PTPRT: variants seen among roughly 807,000 people sequenced by gnomAD.
PTPRT encodes the protein receptor-type tyrosine-protein phosphatase T.
A neutral mutation model predicts 176.8 loss-of-function variants in PTPRT; 56 were observed. That is an observed-to-expected ratio of 0.32 (90% CI 0.26 to 0.40). PTPRT has a LOEUF of 0.40. Among genes scored for constraint, PTPRT ranks in the 10% least tolerant of loss-of-function variants. The pLI is 1.00. For synonymous variants in PTPRT, 783 were observed against 739.0 expected, an observed-to-expected ratio of 1.06 and a Z score of -0.96; for missense variants, 1,540 against 1,908.2, an observed-to-expected ratio of 0.81 and a Z score of 3.60.
At chr20:42,360,559 C>A (rs538136601) in intron 9 of PTPRT, among the ~76,000 whole-genome samples, 1 of 152,278 alleles carries the variant, frequency 6.6e-6, no homozygotes, top group East Asian at 1.9e-4. Flanking sequence ...TCACAGAAAC[C>A]TTCTTGTTTA....
intron 9 of PTPRT, among the ~76,000 whole-genome samples, chr20:42,410,930 T>G (rs1382951617): frequency 1.3e-5 from 2 of 152,178 alleles, no homozygotes; most frequent in African/African-American, 4.8e-5. Context: ...GCTAAAGTAG[T>G]ACTTAGAGGT....
chr20:43,169,080 T>C (rs1295771645), intron 1 of PTPRT, among the ~76,000 whole-genome samples: 3 of 152,172 alleles, frequency 2.0e-5, no homozygotes, highest in Non-Finnish European at 4.4e-5. Context: ...TTTCAGGCCT[T>C]GCCCCAACCC....
intron 2 of PTPRT, among the ~76,000 whole-genome samples, chr20:42,793,794 G>A (rs2077412229): frequency 6.6e-6 from 1 of 152,112 alleles, no homozygotes; most frequent in Non-Finnish European, 1.5e-5. Context: ...CATGCCACAG[G>A]GTTCCAAAAG....
chr20:42,910,240 A>T (rs977643025), intron 1 of PTPRT, among the ~76,000 whole-genome samples: 2 of 152,118 alleles, frequency 1.3e-5, no homozygotes, highest in Non-Finnish European at 2.9e-5. Context: ...ATTTCCTCCT[A>T]TGAGTTTTTA....
chr20:42,309,458 G>A (rs2057594532), intron 12 of PTPRT, among the ~76,000 whole-genome samples: 2 of 151,924 alleles, frequency 1.3e-5, no homozygotes, highest in Non-Finnish European at 2.9e-5. Context: ...GAGACATCTG[G>A]GGAAAAAAAT....
At chr20:42,493,352 C>A (rs1356450125) in intron 7 of PTPRT, among the ~76,000 whole-genome samples, 1 of 151,874 alleles carries the variant, frequency 6.6e-6, no homozygotes, top group Non-Finnish European at 1.5e-5. Context: ...ATTTGGAGGA[C>A]TTTGAGGGGT....
At chr20:42,698,787 G>A (rs2075925501) in intron 6 of PTPRT, among the ~76,000 whole-genome samples, 1 of 152,052 alleles carries the variant, frequency 6.6e-6, no homozygotes, top group East Asian at 1.9e-4. Flanking sequence ...CGGGTCTTTG[G>A]GTGGTCATGT....
chr20:43,000,252 T>C (rs903477351), intron 1 of PTPRT, among the ~76,000 whole-genome samples: 4 of 151,974 alleles, frequency 2.6e-5, no homozygotes, highest in Non-Finnish European at 4.4e-5. Flanking sequence ...GATTCGATGG[T>C]GCCAAGGAAA....
chr20:42,573,356 C>T (rs1385147314), intron 7 of PTPRT, among the ~76,000 whole-genome samples: 1 of 152,190 alleles, frequency 6.6e-6, no homozygotes, highest in Non-Finnish European at 1.5e-5. Flanking sequence ...ACTCCCTGCC[C>T]ATGATGGTCT....
chr20:42,105,976 C>A (rs535800356), intron 24 of PTPRT, among the ~76,000 whole-genome samples: 1 of 152,294 alleles, frequency 6.6e-6, no homozygotes, highest in Non-Finnish European at 1.5e-5. Context: ...GTGGGATAGG[C>A]AGAAAAGGCT....
At chr20:42,335,149 G>A (rs1273126339) in intron 11 of PTPRT, among the ~76,000 whole-genome samples, 1 of 152,236 alleles carries the variant, frequency 6.6e-6, no homozygotes, top group Non-Finnish European at 1.5e-5. Flanking sequence ...TGATGTTGGA[G>A]TAGTCAAGTG....
chr20:42,251,190 T>C (rs1160783463), intron 13 of PTPRT, among the ~76,000 whole-genome samples: 1 of 152,210 alleles, frequency 6.6e-6, no homozygotes, highest in Non-Finnish European at 1.5e-5. Context: ...GGGCATTCAC[T>C]CACTGGCACA....
In PTPRT at chr20:43,065,131, C is replaced by T. The variant is rs76264841; in HGVS notation, c.88+124515G>A. Among the ~76,000 whole-genome samples the T allele has an allele frequency of 1.3e-3, 203 of 152,348 alleles. 3 individuals are homozygous for T. The East Asian group carries it at 0.022, about 17-fold the overall frequency. ...CCCTTTGCATCTCCTGCCCCAAGCA[C>T]ACAAGAGGTGCACTCATCAGCACAG... On this transcript the variant is annotated intron_variant, in intron 1 of 30. Coordinates refer to ENST00000373187, the MANE Select transcript of PTPRT (RefSeq NM_007050.6).
intron 2 of PTPRT, among the ~76,000 whole-genome samples, chr20:42,805,889 A>G (rs2077600105): frequency 6.6e-6 from 1 of 152,134 alleles, no homozygotes. Context: ...ATCTTTTGCC[A>G]AAAGAACAAG....
At chr20:42,098,734 A>G (rs6029972) in intron 26 of PTPRT, among the ~76,000 whole-genome samples, 182 bp from the exon 27 acceptor site, 3,436 of 152,346 alleles carry the variant, frequency 0.023, 128 homozygotes, top group African/African-American at 0.077. Context: ...TAATGAACAC[A>G]ATCTCCTCCA....
intron 12 of PTPRT, among the ~76,000 whole-genome samples, chr20:42,295,812 G>T (rs1446560334): frequency 6.6e-6 from 1 of 152,160 alleles, no homozygotes; most frequent in African/African-American, 2.4e-5. Flanking sequence ...GATCATAGGG[G>T]TGGTTCCCAC....
intron 2 of PTPRT, among the ~76,000 whole-genome samples, chr20:42,881,611 G>A (rs1176779864): frequency 6.6e-6 from 1 of 151,592 alleles, no homozygotes; most frequent in Non-Finnish European, 1.5e-5. Flanking sequence ...TGTAGTCTCA[G>A]CTACTTGGGA....
chr20:42,969,323 G>A (rs1982484048), intron 1 of PTPRT: 1 of 152,178 alleles, frequency 6.6e-6, no homozygotes, highest in Admixed American at 6.5e-5. Flanking sequence ...AGTCAGAAGA[G>A]GGGGACCTGG....
At chr20:42,394,035 G>A (rs2058825691) in intron 9 of PTPRT, among the ~76,000 whole-genome samples, 1 of 148,036 alleles carries the variant, frequency 6.8e-6, no homozygotes, top group South Asian at 2.1e-4. Context: ...ATGAAGATGT[G>A]ACAGGTCTTT....
Sources: gnomAD v4.1 joint callset for allele counts (sites outside exome capture counted in the v4.1 genomes callset) on GRCh38, gnomAD v4.1.1 for gene constraint, MANE v1.5 for transcripts, NCBI Gene and HGNC (gene_info 2026-07-23, HGNC 2026-07-21) for gene names.